Variants in CENPO observed in about 807,000 individuals in gnomAD.
CENPO encodes centromere protein O.
In CENPO, 30 loss-of-function variants were observed where a neutral mutation model predicts 36.1. That is an observed-to-expected ratio of 0.83 (90% confidence interval 0.62 to 1.13). CENPO has a LOEUF of 1.13. CENPO is among the 50% of genes most tolerant of loss of function. The pLI, the probability that CENPO is intolerant of heterozygous loss-of-function variation, is 0.00. For synonymous variants in CENPO, 171 were observed against 142.3 expected, an observed-to-expected ratio of 1.20 and a Z score of -1.44; for missense variants, 349 against 357.8, an observed-to-expected ratio of 0.98 and a Z score of 0.20.
Position 24,814,409 on chromosome 2 carries a change from C to A in CENPO, c.250C>A (p.Gln84Lys). The A allele has an allele frequency of 6.2e-7, 1 of 1,602,888 alleles. No individual in the cohort carries two copies. The highest frequency in any genetic ancestry group is 8.5e-7 in the Non-Finnish European group (1 of 1,169,828). ...ATGTATTGCCAATGTAGAACCCAAC[C>A]AAACAGTGGAGATCAATGAGCAAGA... ...KACIANVEPN[Q>K]TVEINEQEAL... The change falls in exon 4 of 8, where the codon CAA (glutamine) becomes AAA (lysine). Residue 84 changes from glutamine (Q) to lysine (K), a missense_variant. Coordinates refer to ENST00000380834, the MANE Select transcript of CENPO (RefSeq NM_001322101.2).
At position 24,819,808 on chromosome 2, in the gene CENPO, C is replaced by T; in HGVS notation, c.*490C>T. ...TCACACATCCACGAACAAATGAAGG[C>T]TGAGGAGGTTTCTAAACCTAAAGTC... On this transcript the variant is annotated 3_prime_UTR_variant, in exon 8 of 8. Coordinates refer to ENST00000380834, the MANE Select transcript of CENPO (RefSeq NM_001322101.2). 9 of 1,026,276 alleles carry T rather than the reference C, an allele frequency of 8.8e-6. No individual in the cohort carries two copies. Among genetic ancestry groups the T allele is most frequent in the Non-Finnish European group, 1.1e-5 (8 of 708,220 alleles). The allele number at this position is 1,026,276 out of a possible 1,614,324, so 63.6% of individuals were successfully genotyped here.
intron 2 of CENPO, among the ~76,000 whole-genome samples, chr2:24,796,172 A>G (rs1363430142): frequency 6.6e-6 from 1 of 152,014 alleles, no homozygotes; most frequent in Non-Finnish European, 1.5e-5. Flanking sequence ...TGGCTAACAT[A>G]GTGAAACCCC....
chr2:24,811,574 G>A (rs1294307877), intron 3 of CENPO, among the ~76,000 whole-genome samples: 1 of 151,820 alleles, frequency 6.6e-6, no homozygotes, highest in Non-Finnish European at 1.5e-5. Context: ...CCATTCTCCT[G>A]CCTCAGCCTC....
chr2:24,821,045 C>T lies in CENPO; in HGVS notation c.*1727C>T, dbSNP rs1038038845. 4.3e-6 allele frequency: 3 copies of T among 705,406 alleles called. No homozygotes were observed. The highest frequency in any genetic ancestry group is 4.4e-6 in the Non-Finnish European group (2 of 452,718). 43.7% of individuals were successfully genotyped at this position (705,406 alleles called of 1,614,324 possible). On this transcript the variant is annotated 3_prime_UTR_variant, in exon 8 of 8. Coordinates refer to ENST00000380834, the MANE Select transcript of CENPO (RefSeq NM_001322101.2). Reference sequence around the variant, plus strand: ...CCGTGTGCTTGTTAGGTGTCAGCCGCCACCCCCCCCCCATATGCAGATTTA... The same window carrying T: ...CCGTGTGCTTGTTAGGTGTCAGCCGTCACCCCCCCCCCATATGCAGATTTA...
Position 24,821,053 on chromosome 2 carries a change from C to G in CENPO, c.*1735C>G, listed in dbSNP as rs533356189. ...TTGTTAGGTGTCAGCCGCCACCCCCCCCCCATATGCAGATTTACTCGGCAT... is the reference window on the plus strand; with the variant it reads ...TTGTTAGGTGTCAGCCGCCACCCCCGCCCCATATGCAGATTTACTCGGCAT... On this transcript the variant is annotated 3_prime_UTR_variant, in exon 8 of 8. Coordinates refer to ENST00000380834, the MANE Select transcript of CENPO (RefSeq NM_001322101.2). 430 of 653,616 alleles carry G rather than the reference C, an allele frequency of 6.6e-4. 4 individuals are homozygous for G. The African/African-American group carries it at 6.8e-3, about 10-fold the overall frequency. The allele number at this position is 653,616 out of a possible 1,614,324, so 40.5% of individuals were successfully genotyped here. A position where few individuals can be genotyped will look rare whatever the true frequency, so the allele number is the denominator to read the frequency against.
Position 24,804,053 on chromosome 2 carries a change from G to T in CENPO, c.216+4209G>T, listed in dbSNP as rs536258482. 1.7e-3 allele frequency among the ~76,000 whole-genome samples: 254 copies of T among 152,200 alleles called. 1 individual carries two copies. The highest frequency in any genetic ancestry group is 1.9e-3 in the Non-Finnish European group (128 of 67,994). On this transcript the variant is annotated intron_variant, in intron 3 of 7. Transcript: ENST00000380834. ...ATATATTTAGGATAGTTAGCTCTTC[G>T]TGTTGAATTGATCCCTTTACCATTA...
intron 3 of CENPO, among the ~76,000 whole-genome samples, chr2:24,810,733 C>A (rs1234844368): frequency 6.6e-6 from 1 of 151,994 alleles, no homozygotes; most frequent in African/African-American, 2.4e-5. Context: ...GTCTCGAACT[C>A]CTGACCTCAG....
chr2:24,820,180 G>GC lies in CENPO; in HGVS notation c.*863dup. 8.0e-7 allele frequency: 1 copy of GC among 1,250,098 alleles called. No homozygotes were observed. The highest frequency in any genetic ancestry group is 1.1e-6 in the Non-Finnish European group (1 of 913,302). The allele number at this position is 1,250,098 out of a possible 1,614,324, so 77.4% of individuals were successfully genotyped here. On this transcript the variant is annotated 3_prime_UTR_variant, in exon 8 of 8. Coordinates refer to ENST00000380834, the MANE Select transcript of CENPO (RefSeq NM_001322101.2). ...GAGCCTAGACTGAGGGCGGGTGGGG[G>GC]CTTTGGGTGGTTGGAGCCGAGCACT... is the stretch of plus-strand genomic sequence containing the variant.
At chr2:24,801,483 C>A (rs1471458214) in intron 3 of CENPO, among the ~76,000 whole-genome samples, 2 of 152,246 alleles carry the variant, frequency 1.3e-5, no homozygotes, top group East Asian at 1.9e-4. Flanking sequence ...AGTCTTTAAT[C>A]CATCTTGAAT....
At chr2:24,807,303 C>A (rs1222635566) in intron 3 of CENPO, among the ~76,000 whole-genome samples, 2 of 151,716 alleles carry the variant, frequency 1.3e-5, no homozygotes, top group Non-Finnish European at 2.9e-5. Context: ...CTTAAGGTAC[C>A]CACTATTCTG....
rs907165265 is a variant in CENPO at position 24,820,377 on chromosome 2, C to T, written c.*1059C>T. 1 of 1,319,828 alleles carries T rather than the reference C, an allele frequency of 7.6e-7. No individual in the cohort carries two copies. The highest frequency in any genetic ancestry group is 3.6e-5 in the Admixed American group (1 of 27,578). The allele number at this position is 1,319,828 out of a possible 1,614,324, so 81.8% of individuals were successfully genotyped here. A position where few individuals can be genotyped will look rare whatever the true frequency, so the allele number is the denominator to read the frequency against. ...GGCCATGGTCACCTGGGTGGCAGCA[C>T]TGTTACCTGGAAACTGCCACTGCCT... On this transcript the variant is annotated 3_prime_UTR_variant, in exon 8 of 8. Transcript: ENST00000380834.
intron 3 of CENPO, among the ~76,000 whole-genome samples, chr2:24,812,244 C>T (rs1423732122): frequency 3.3e-5 from 5 of 152,118 alleles, no homozygotes; most frequent in East Asian, 1.9e-4. Flanking sequence ...CTGTTGTCTT[C>T]TAGGGCCATA....
Position 24,820,303 on chromosome 2 carries a change from A to C in CENPO, c.*985A>C, listed in dbSNP as rs1254303125. ...CAGCGGGTGGGAAGGAGAACCCTGG[A>C]GTGACTGGCTGGGGGCCTCCTCTCA... On this transcript the variant is annotated 3_prime_UTR_variant, in exon 8 of 8. Coordinates refer to ENST00000380834, the MANE Select transcript of CENPO (RefSeq NM_001322101.2). The C allele has an allele frequency of 7.7e-7, 1 of 1,302,850 alleles. No homozygotes were observed. The highest frequency in any genetic ancestry group is 9.9e-7 in the Non-Finnish European group (1 of 1,014,452). 80.7% of individuals were successfully genotyped at this position (1,302,850 alleles called of 1,614,324 possible).
intron 2 of CENPO, among the ~76,000 whole-genome samples, chr2:24,799,138 A>G (rs1666048379): frequency 6.6e-6 from 1 of 151,896 alleles, no homozygotes. Flanking sequence ...CTGGGATTAC[A>G]GGCATGCGCC....
In CENPO at chr2:24,821,055, C is replaced by T. The variant is rs560603340; in HGVS notation, c.*1737C>T. The T allele has an allele frequency of 1.1e-4, 73 of 651,398 alleles. 1 individual carries two copies. The highest frequency in any genetic ancestry group is 5.9e-4 in the South Asian group (28 of 47,752). 40.4% of individuals were successfully genotyped at this position (651,398 alleles called of 1,614,324 possible). ...GTTAGGTGTCAGCCGCCACCCCCCC[C>T]CCATATGCAGATTTACTCGGCATGG... is the stretch of plus-strand genomic sequence containing the variant. On this transcript the variant is annotated 3_prime_UTR_variant, in exon 8 of 8. Coordinates refer to ENST00000380834, the MANE Select transcript of CENPO (RefSeq NM_001322101.2).
chr2:24,819,882 A>C lies in CENPO; in HGVS notation c.*564A>C. ...GAAGGTCGGGACTTCCTTCAGTTTCAAAAAATAAATTCTCCCTTCCGGTTT... is the reference window on the plus strand; with the variant it reads ...GAAGGTCGGGACTTCCTTCAGTTTCCAAAAATAAATTCTCCCTTCCGGTTT... On this transcript the variant is annotated 3_prime_UTR_variant, in exon 8 of 8. Transcript: ENST00000380834. 6.3e-7 allele frequency: 1 copy of C among 1,584,600 alleles called. No homozygotes were observed. The highest frequency in any genetic ancestry group is 1.4e-5 in the African/African-American group (1 of 72,620).
At chr2:24,802,236 A>G (rs577932504) in intron 3 of CENPO, among the ~76,000 whole-genome samples, 2,818 of 152,110 alleles carry the variant, frequency 0.019, 81 homozygotes, top group African/African-American at 0.065. Flanking sequence ...GGCTGAGACA[A>G]TGGGGTTTTC....
Position 24,804,317 on chromosome 2 carries a change from T to C in CENPO, c.216+4473T>C, listed in dbSNP as rs531343267. Among the ~76,000 whole-genome samples the C allele has an allele frequency of 2.4e-3, 365 of 152,104 alleles. 3 individuals are homozygous for C. The highest frequency in any genetic ancestry group is 8.1e-3 in the African/African-American group (334 of 41,358). ...TGTGTCTTTTAATTGGAGCATTTAG[T>C]CTATTTACATTTAAGGTTAATATTG... On this transcript the variant is annotated intron_variant, in intron 3 of 7. Coordinates refer to ENST00000380834, the MANE Select transcript of CENPO (RefSeq NM_001322101.2).
At chr2:24,817,897 T>TG in intron 7 of CENPO, 56 bp downstream of exon 7, 7 of 1,428,648 alleles carry the variant, frequency 4.9e-6, no homozygotes, top group African/African-American at 1.4e-5. Context: ...TGATGAAGGG[T>TG]ACATCACCCT....
Sources: gnomAD v4.1 joint callset for allele counts (sites outside exome capture counted in the v4.1 genomes callset) on GRCh38, gnomAD v4.1.1 for gene constraint, MANE v1.5 for transcripts, NCBI Gene and HGNC (gene_info 2026-07-23, HGNC 2026-07-21) for gene names.